Variants in PCDHAC1 observed in about 807,000 individuals in gnomAD.
The protein encoded by PCDHAC1 is protocadherin alpha-C1.
In PCDHAC1, 42 loss-of-function variants were observed where a neutral mutation model predicts 60.0. The observed-to-expected ratio is 0.70, with a 90% CI of 0.55 to 0.90. The LOEUF (loss-of-function observed/expected upper bound fraction) is 0.90. Ranked by LOEUF, PCDHAC1 falls within the 40% of genes least tolerant of loss-of-function variation. The pLI, the probability that PCDHAC1 is intolerant of heterozygous loss-of-function variation, is 0.00. For missense variants in PCDHAC1, 1,160 were observed against 1,222.3 expected (o/e 0.95, Z 0.76); for synonymous variants, 468 against 499.3 (o/e 0.94, Z 0.84).
intron 1 of PCDHAC1, among the ~76,000 whole-genome samples, chr5:140,951,398 A>T (rs1428015395): frequency 6.6e-6 from 1 of 152,100 alleles, no homozygotes; most frequent in Non-Finnish European, 1.5e-5. Flanking sequence ...TTATAAAGAA[A>T]AGAGGTTTAA....
chr5:141,007,647 A>T (rs1554261419), intron 3 of PCDHAC1, among the ~76,000 whole-genome samples: 1 of 152,174 alleles, frequency 6.6e-6, no homozygotes, highest in Admixed American at 6.5e-5. Context: ...GTATTTGCCT[A>T]AAAAACCATA....
intron 3 of PCDHAC1, among the ~76,000 whole-genome samples, chr5:141,004,019 A>G (rs2098147783): frequency 6.6e-6 from 1 of 152,244 alleles, no homozygotes; most frequent in South Asian, 2.1e-4. Flanking sequence ...CACTGAAAGA[A>G]GAAACATTTC....
intron 1 of PCDHAC1, among the ~76,000 whole-genome samples, chr5:140,949,264 G>A (rs139292588): frequency 4.5e-4 from 69 of 151,784 alleles, no homozygotes; most frequent in Admixed American, 2.4e-3. Flanking sequence ...AACATATCAC[G>A]TGCACTTGAA....
At chr5:140,936,144 T>C (rs1386720304) in intron 1 of PCDHAC1, among the ~76,000 whole-genome samples, 2 of 152,158 alleles carry the variant, frequency 1.3e-5, no homozygotes, top group African/African-American at 4.8e-5. Flanking sequence ...CTGCCCGCCT[T>C]GGCCTCCTAA....
At chr5:140,947,622 G>C (rs1435558526) in intron 1 of PCDHAC1, among the ~76,000 whole-genome samples, 1 of 151,534 alleles carries the variant, frequency 6.6e-6, no homozygotes, top group East Asian at 1.9e-4. Context: ...TAACAATATT[G>C]AGTCATCAGA....
intron 1 of PCDHAC1, among the ~76,000 whole-genome samples, chr5:140,941,941 T>G (rs1461291615): frequency 1.3e-5 from 2 of 152,246 alleles, no homozygotes; most frequent in Admixed American, 1.3e-4. Context: ...TGAATTACTT[T>G]TGTTTTGAAA....
At chr5:140,978,795 G>T in intron 1 of PCDHAC1, 154 bp from the exon 2 acceptor site, 1 of 979,238 alleles carries the variant, frequency 1.0e-6, no homozygotes, top group Non-Finnish European at 1.2e-6. Flanking sequence ...TGCTATATAT[G>T]TAGATATCAT....
intron 1 of PCDHAC1, among the ~76,000 whole-genome samples, chr5:140,952,723 A>G (rs979234260): frequency 6.6e-6 from 1 of 152,168 alleles, no homozygotes; most frequent in Non-Finnish European, 1.5e-5. Flanking sequence ...AATTTTCTGT[A>G]CTAGTCTTTT....
At chr5:140,965,442 G>A (rs782186943) in intron 1 of PCDHAC1, among the ~76,000 whole-genome samples, 3 of 151,978 alleles carry the variant, frequency 2.0e-5, no homozygotes, top group Non-Finnish European at 4.4e-5. Flanking sequence ...CATTGAAATT[G>A]CTGGTTATTG....
At chr5:141,001,978 A>G (rs1331599524) in intron 3 of PCDHAC1, among the ~76,000 whole-genome samples, 1 of 152,166 alleles carries the variant, frequency 6.6e-6, no homozygotes, top group Non-Finnish European at 1.5e-5. Context: ...TCTGCGCGGA[A>G]AGCCTGGAAG....
At chr5:141,002,357 C>G (rs2098075744) in intron 3 of PCDHAC1, among the ~76,000 whole-genome samples, 2 of 152,246 alleles carry the variant, frequency 1.3e-5, no homozygotes, top group Admixed American at 6.5e-5. Flanking sequence ...ACCTCCACTC[C>G]TTTCAACTCA....
intron 1 of PCDHAC1, chr5:140,968,323 C>T (rs1554230616): frequency 1.2e-6 from 2 of 1,614,114 alleles, no homozygotes; most frequent in East Asian, 2.2e-5. Flanking sequence ...TGCCAGTCAC[C>T]TCCTATGTCT....
chr5:140,937,199 G>A (rs2091405017), intron 1 of PCDHAC1, among the ~76,000 whole-genome samples: 2 of 151,792 alleles, frequency 1.3e-5, no homozygotes, highest in Admixed American at 6.6e-5. Context: ...CACCATGCCC[G>A]GCTAATTTTT....
rs547096956 is a variant in PCDHAC1, at chr5:140,967,167, T to C, written c.2434-11782T>C. 6.2e-6 allele frequency: 10 copies of C among 1,611,120 alleles called. No homozygotes were observed. In the Admixed American group the frequency reaches 8.3e-5, roughly 13 times the overall value. ...CACAACCCCGTGGCGGTGAGCGCCG[T>C]TGAGGTGGAAATATTGGACATCAAC... is the stretch of plus-strand genomic sequence containing the variant. On this transcript the variant is annotated intron_variant, in intron 1 of 3. Transcript: ENST00000253807.
chr5:140,928,337 AT>A lies in PCDHAC1; in HGVS notation c.1446del (p.Tyr482Ter), dbSNP rs549164954. 4.3e-6 allele frequency: 7 copies of A among 1,613,944 alleles called. No individual in the cohort carries two copies. The highest frequency in any genetic ancestry group is 5.9e-6 in the Non-Finnish European group (7 of 1,180,020). ...PDLGKNGLVS[Y>X]ELLDVISEGP... ...CTGGGGAAGAATGGCCTTGTCTCTT[AT>A]GAGCTGTTGGATGTTATCTCTGAAG... On this transcript the variant is annotated frameshift_variant, in exon 1 of 4. Transcript: ENST00000253807. LOFTEE classifies it high-confidence loss of function.
chr5:141,010,001 A>G lies in PCDHAC1; in HGVS notation c.*64A>G. The G allele has an allele frequency of 6.4e-7, 1 of 1,574,588 alleles. No homozygotes were observed. The highest frequency in any genetic ancestry group is 8.6e-7 in the Non-Finnish European group (1 of 1,164,348). On this transcript the variant is annotated 3_prime_UTR_variant, in exon 4 of 4. Transcript: ENST00000253807. ...TAATAATGGCAAATCTCTCCCATGT[A>G]GCAATTCCCTGCTCCTTTTTCCTAT...
chr5:140,929,589 G>T lies in PCDHAC1; in HGVS notation c.2433+264G>T, dbSNP rs183312863. 667 of 427,178 alleles carry T rather than the reference G, an allele frequency of 1.6e-3. 2 individuals are homozygous for T. The highest frequency in any genetic ancestry group is 3.3e-3 in the Admixed American group (76 of 23,230). The allele number at this position is 427,178 out of a possible 1,614,324, so 26.5% of individuals were successfully genotyped here. A position where few individuals can be genotyped will look rare whatever the true frequency, so the allele number is the denominator to read the frequency against. On this transcript the variant is annotated intron_variant, in intron 1 of 3. Coordinates refer to ENST00000253807, the MANE Select transcript of PCDHAC1 (RefSeq NM_018898.5). ...AACAATAAAAGTAATATGACATAAA[G>T]GTCTAAAATTAAAAATAAAATACCA...
At chr5:141,001,476 G>A (rs1554258187) in intron 3 of PCDHAC1, among the ~76,000 whole-genome samples, 1 of 152,226 alleles carries the variant, frequency 6.6e-6, no homozygotes, top group Admixed American at 6.5e-5. Flanking sequence ...CAGCAGCGGG[G>A]AAGTGCTGGA....
intron 3 of PCDHAC1, among the ~76,000 whole-genome samples, chr5:141,003,141 AGACTC>A (rs1554258926): frequency 1.3e-5 from 2 of 152,202 alleles, no homozygotes; most frequent in African/African-American, 4.8e-5. Flanking sequence ...GCCTTGGCAA[AGACTC>A]TGACCTGATC....
Sources: allele counts gnomAD v4.1 joint callset (sites outside exome capture counted in the v4.1 genomes callset), GRCh38; gene constraint gnomAD v4.1.1; transcripts MANE v1.5; gene names NCBI Gene and HGNC (gene_info 2026-07-23, HGNC 2026-07-21).